The following ULK4 variants were observed in gnomAD, a reference collection of about 807,000 sequenced individuals.
ULK4 encodes inactive serine/threonine-protein kinase ULK4.
Under a neutral mutation model 160.6 loss-of-function variants are expected in ULK4, and 133 were observed. The observed-to-expected ratio is 0.83, with a 90% CI of 0.72 to 0.96. The LOEUF is 0.96. Ranked by LOEUF, ULK4 falls within the 40% of genes least tolerant of loss-of-function variation. The pLI is 0.00. For missense variants in ULK4, 1,580 were observed against 1,499.5 expected, an observed-to-expected ratio of 1.05 and a Z score of -0.89; for synonymous variants, 534 against 539.8, an observed-to-expected ratio of 0.99 and a Z score of 0.15.
intron 35 of ULK4, among the ~76,000 whole-genome samples, chr3:41,300,776 A>G (rs975690195): frequency 2.1e-5 from 3 of 144,614 alleles, no homozygotes; most frequent in Non-Finnish European, 3.0e-5. Context: ...AAAGCACTGA[A>G]GTTTACAAAA....
chr3:41,900,908 G>A, intron 12 of ULK4, 79 bp from the exon 13 acceptor site: 1 of 967,826 alleles, frequency 1.0e-6, no homozygotes, highest in Non-Finnish European at 1.6e-6. Flanking sequence ...AAGATGCTGA[G>A]GAAGACACCA....
intron 31 of ULK4, among the ~76,000 whole-genome samples, chr3:41,599,883 T>C (rs945519144): frequency 6.6e-6 from 1 of 152,128 alleles, no homozygotes; most frequent in Non-Finnish European, 1.5e-5. Flanking sequence ...ATTTTCAAAA[T>C]GAGAAAGTTA....
intron 16 of ULK4, among the ~76,000 whole-genome samples, chr3:41,891,830 G>T (rs113186991): frequency 1.3e-5 from 2 of 152,102 alleles, no homozygotes; most frequent in African/African-American, 4.8e-5. Flanking sequence ...ACTTGAACCC[G>T]GGAGGCAGAG....
At chr3:41,879,802 G>C (rs1697443010) in intron 17 of ULK4, among the ~76,000 whole-genome samples, 1 of 152,064 alleles carries the variant, frequency 6.6e-6, no homozygotes, top group Admixed American at 6.5e-5. Flanking sequence ...TTAATGAATG[G>C]GTTAACCTAA....
intron 20 of ULK4, among the ~76,000 whole-genome samples, chr3:41,793,227 G>GA (rs1265510534): frequency 1.3e-5 from 2 of 151,498 alleles, no homozygotes; most frequent in African/African-American, 4.9e-5. Context: ...TTTAAAACTG[G>GA]AAAAAACTGT....
At chr3:41,932,564 C>G (rs2148823192) in intron 4 of ULK4, among the ~76,000 whole-genome samples, 1 of 152,280 alleles carries the variant, frequency 6.6e-6, no homozygotes, top group Non-Finnish European at 1.5e-5. Flanking sequence ...CGAAGTTATG[C>G]AAGTAAAGGG....
At chr3:41,429,212 G>A (rs2082847513) in intron 34 of ULK4, among the ~76,000 whole-genome samples, 1 of 152,148 alleles carries the variant, frequency 6.6e-6, no homozygotes, top group Non-Finnish European at 1.5e-5. Context: ...ACCATCTCAT[G>A]CCAGTTGAAA....
chr3:41,538,293 C>T (rs1176277268), intron 32 of ULK4, among the ~76,000 whole-genome samples: 2 of 152,038 alleles, frequency 1.3e-5, no homozygotes, highest in African/African-American at 4.8e-5. Flanking sequence ...AGGACTATAT[C>T]ACAAAAAGTT....
At chr3:41,762,177 A>G (rs2125908206) in intron 21 of ULK4, among the ~76,000 whole-genome samples, 1 of 152,304 alleles carries the variant, frequency 6.6e-6, no homozygotes, top group Middle Eastern at 3.4e-3. Context: ...GTATTAAACA[A>G]ACCGTAAGAG....
At chr3:41,667,751 T>G (rs1263743841) in intron 29 of ULK4, among the ~76,000 whole-genome samples, 1 of 152,198 alleles carries the variant, frequency 6.6e-6, no homozygotes, top group Non-Finnish European at 1.5e-5. Context: ...AACCAAGATG[T>G]CTTTGCTAGG....
At chr3:41,453,844 G>GC (rs2083476210) in intron 34 of ULK4, among the ~76,000 whole-genome samples, 1 of 151,846 alleles carries the variant, frequency 6.6e-6, no homozygotes, top group African/African-American at 2.4e-5. Flanking sequence ...ATACTATGCA[G>GC]CCATAAAAAA....
At chr3:41,685,592 T>C (rs780038122) in intron 27 of ULK4, among the ~76,000 whole-genome samples, 5 of 152,224 alleles carry the variant, frequency 3.3e-5, no homozygotes, top group Non-Finnish European at 7.3e-5. Flanking sequence ...GGCAGCCTTG[T>C]TGCCATTGGC....
intron 32 of ULK4, among the ~76,000 whole-genome samples, chr3:41,485,145 GTTAAGTAACTTTCCCAAGACCA>G (rs1433054762): frequency 1.3e-5 from 2 of 152,170 alleles, no homozygotes; most frequent in East Asian, 3.9e-4. Context: ...GACTCAGGAG[GTTAAGTAACTTTCCCAAGACCA>G]TGTGGCTCCA....
At position 41,325,964 on chromosome 3, in the gene ULK4, T is replaced by C. The variant is rs1422631979; in HGVS notation, c.3678+72115A>G. Among the ~76,000 whole-genome samples, 3 of 152,008 alleles carry C rather than the reference T, an allele frequency of 2.0e-5. No individual in the cohort carries two copies. The East Asian group carries it at 5.8e-4, about 29-fold the overall frequency. Reference sequence around the variant, plus strand: ...TAATAGATATATAGATATAAATAAATTATATGTATATGAATGCATGTATAA... The same window carrying C: ...TAATAGATATATAGATATAAATAAACTATATGTATATGAATGCATGTATAA... On this transcript the variant is annotated intron_variant, in intron 35 of 36. Coordinates refer to ENST00000301831, the MANE Select transcript of ULK4 (RefSeq NM_017886.4).
At chr3:41,902,208 A>G (rs1698396605) in intron 12 of ULK4, among the ~76,000 whole-genome samples, 1 of 152,252 alleles carries the variant, frequency 6.6e-6, no homozygotes, top group African/African-American at 2.4e-5. Context: ...AGGGGCATGG[A>G]TAAAGGAACA....
At chr3:41,356,480 A>G (rs2125767702) in intron 35 of ULK4, among the ~76,000 whole-genome samples, 1 of 152,312 alleles carries the variant, frequency 6.6e-6, no homozygotes, top group African/African-American at 2.4e-5. Flanking sequence ...ATCAGGAACC[A>G]TATCCTTACT....
chr3:41,544,848 G>T (rs1272022747), intron 32 of ULK4, among the ~76,000 whole-genome samples: 2 of 152,162 alleles, frequency 1.3e-5, no homozygotes, highest in Non-Finnish European at 2.9e-5. Flanking sequence ...GCCCATTTCA[G>T]ATGCTTCAAG....
chr3:41,495,235 G>C (rs1196239161), intron 32 of ULK4, among the ~76,000 whole-genome samples: 2 of 152,052 alleles, frequency 1.3e-5, no homozygotes. Context: ...CAGAGATATA[G>C]ATCAATGGAA....
At chr3:41,613,115 C>T (rs1660636896) in intron 31 of ULK4, among the ~76,000 whole-genome samples, 1 of 152,194 alleles carries the variant, frequency 6.6e-6, no homozygotes. Context: ...GATCAAATCA[C>T]TGCAAAGAAG....
Sources: allele counts gnomAD v4.1 joint callset (sites outside exome capture counted in the v4.1 genomes callset), GRCh38; gene constraint gnomAD v4.1.1; transcripts MANE v1.5; gene names NCBI Gene and HGNC (gene_info 2026-07-23, HGNC 2026-07-21).